DNM3: variants seen among roughly 807,000 people sequenced by gnomAD.
DNM3 encodes dynamin-3.
In DNM3, 47 loss-of-function variants were observed where a neutral mutation model predicts 101.6. The observed-to-expected ratio is 0.46, with a 90% CI of 0.37 to 0.59. The LOEUF is 0.59. Ranked by LOEUF, DNM3 falls within the 20% of genes least tolerant of loss-of-function variation. The pLI is 0.00. For synonymous variants in DNM3, 385 were observed against 387.9 expected, an observed-to-expected ratio of 0.99 and a Z score of 0.09; for missense variants, 849 against 1,085.7, an observed-to-expected ratio of 0.78 and a Z score of 3.06.
At chr1:172,228,406 T>C (rs1244481191) in intron 14 of DNM3, among the ~76,000 whole-genome samples, 1 of 152,062 alleles carries the variant, frequency 6.6e-6, no homozygotes, top group African/African-American at 2.4e-5. Context: ...TCACTCTTTC[T>C]TCGCTCTCTT....
intron 16 of DNM3, chr1:172,310,166 C>T (rs1455227167): frequency 3.9e-5 from 6 of 152,230 alleles, no homozygotes; most frequent in African/African-American, 7.2e-5. Flanking sequence ...AGTCATTAAA[C>T]ATCAGAGTAC....
At chr1:171,855,270 A>G (rs139191265) in intron 1 of DNM3, among the ~76,000 whole-genome samples, 14 of 152,186 alleles carry the variant, frequency 9.2e-5, no homozygotes, top group African/African-American at 2.4e-4. Flanking sequence ...TCTTTATCCA[A>G]TCTGTCACTG....
chr1:172,177,257 TAGAG>T (rs142889640), intron 14 of DNM3, among the ~76,000 whole-genome samples: 207 of 149,472 alleles, frequency 1.4e-3, no homozygotes, highest in African/African-American at 4.8e-3. Context: ...TGTACAAGAA[TAGAG>T]AGAGAGAGAG....
intron 1 of DNM3, among the ~76,000 whole-genome samples, chr1:171,846,736 T>A (rs1296383422): frequency 6.6e-6 from 1 of 152,246 alleles, no homozygotes; most frequent in Non-Finnish European, 1.5e-5. Flanking sequence ...TTTTGCAATT[T>A]ATCCTAGTCC....
At chr1:172,235,405 T>G (rs1362127940) in intron 14 of DNM3, among the ~76,000 whole-genome samples, 2 of 152,184 alleles carry the variant, frequency 1.3e-5, no homozygotes, top group East Asian at 3.9e-4. Context: ...GGTGGGACTG[T>G]ACACTAGTTC....
rs114736002 is a variant in DNM3 at position 172,339,122 on chromosome 1, G to T, written c.1893+15782G>T. The T allele has an allele frequency of 7.6e-4, 344 of 455,392 alleles. 2 individuals carry two copies. The highest frequency in any genetic ancestry group is 6.4e-3 in the African/African-American group (318 of 49,324). The allele number at this position is 455,392 out of a possible 1,614,324, so 28.2% of individuals were successfully genotyped here. On this transcript the variant is annotated intron_variant, in intron 17 of 20. Transcript: ENST00000627582. Reference sequence around the variant, plus strand: ...ACTGTGAAATATTTGGTCGTATTTTGATATGTTAAGTTGTTGCTTTTCAAT... The same window carrying T: ...ACTGTGAAATATTTGGTCGTATTTTTATATGTTAAGTTGTTGCTTTTCAAT...
rs1230851137 is a variant in DNM3, at chr1:172,411,725, A to C, written c.*3884A>C. On this transcript the variant is annotated 3_prime_UTR_variant, in exon 21 of 21. Transcript: ENST00000627582. ...GACAGGAATCTCCTCAGAATGAAGA[A>C]TAAAGCCTACTAGGTCTCTAACTGT... 21 of 985,220 alleles carry C rather than the reference A, an allele frequency of 2.1e-5. No individual in the cohort carries two copies. Among genetic ancestry groups the C allele is most frequent in the Admixed American group, 1.2e-4 (2 of 16,262 alleles). The allele number at this position is 985,220 out of a possible 1,614,324, so 61.0% of individuals were successfully genotyped here. A position where few individuals can be genotyped will look rare whatever the true frequency, so the allele number is the denominator to read the frequency against.
chr1:172,275,519 C>T (rs12062308), intron 15 of DNM3, among the ~76,000 whole-genome samples: 3,871 of 151,978 alleles, frequency 0.025, 170 homozygotes, highest in African/African-American at 0.088. Context: ...GTTGACATTT[C>T]AACCTTCTTG....
At chr1:172,382,145 A>C (rs1054372720) in intron 18 of DNM3, among the ~76,000 whole-genome samples, 1 of 152,188 alleles carries the variant, frequency 6.6e-6, no homozygotes. Context: ...GTCTATTGAA[A>C]TGCAGCAGCT....
At chr1:172,208,148 A>G (rs2060385636) in intron 14 of DNM3, among the ~76,000 whole-genome samples, 1 of 152,098 alleles carries the variant, frequency 6.6e-6, no homozygotes, top group Non-Finnish European at 1.5e-5. Context: ...TCAACTACAA[A>G]TTGCAGTTTT....
intron 14 of DNM3, among the ~76,000 whole-genome samples, chr1:172,156,481 G>A (rs992106808): frequency 1.1e-4 from 17 of 151,966 alleles, no homozygotes; most frequent in African/African-American, 3.9e-4. Context: ...TGTTCCAGAC[G>A]ATTCAGGATG....
intron 14 of DNM3, among the ~76,000 whole-genome samples, chr1:172,178,615 G>A (rs963064651): frequency 5.3e-5 from 8 of 151,784 alleles, no homozygotes; most frequent in Admixed American, 2.0e-4. Flanking sequence ...GAGAGGGAGA[G>A]AGACAGAGAG....
At chr1:171,951,732 C>CA (rs2042539465) in intron 2 of DNM3, among the ~76,000 whole-genome samples, 1 of 152,000 alleles carries the variant, frequency 6.6e-6, no homozygotes, top group African/African-American at 2.4e-5. Context: ...GAGGTGTTGA[C>CA]AAAAAACTAA....
intron 14 of DNM3, among the ~76,000 whole-genome samples, chr1:172,189,631 A>G (rs1454201063): frequency 6.6e-6 from 1 of 152,024 alleles, no homozygotes; most frequent in Non-Finnish European, 1.5e-5. Flanking sequence ...GTAGATGACT[A>G]TATTAGCCCA....
chr1:172,080,216 C>T (rs2053027118), intron 11 of DNM3, among the ~76,000 whole-genome samples: 1 of 152,176 alleles, frequency 6.6e-6, no homozygotes, highest in African/African-American at 2.4e-5. Context: ...GCTGAAGTTG[C>T]ACCCACAGCT....
Position 172,044,396 on chromosome 1 carries a change from TG to T in DNM3, c.1141del (p.Glu381ArgfsTer8). On this transcript the variant is annotated frameshift_variant, in exon 9 of 21. Coordinates refer to ENST00000627582, the MANE Select transcript of DNM3 (RefSeq NM_015569.5). LOFTEE classifies it high-confidence loss of function. Reference sequence around the variant, plus strand: ...TTTTGCATCTGCAGATGGAGTTCAATGAGAAAGAATTGCGAAGAGAAATAAG... The same window carrying T: ...TTTTGCATCTGCAGATGGAGTTCAATAGAAAGAATTGCGAAGAGAAATAAG... ...PFEIVKMEFNEKELRREISYA... is the reference protein window; with the variant it reads ...PFEIVKMEFNXKELRREISYA... 6.2e-7 allele frequency: 1 copy of T among 1,607,820 alleles called. No homozygotes were observed. Among genetic ancestry groups the T allele is most frequent in the Non-Finnish European group, 8.5e-7 (1 of 1,177,070 alleles).
chr1:172,144,580 C>G (rs754471293), intron 14 of DNM3: 1 of 532,422 alleles, frequency 1.9e-6, no homozygotes. Flanking sequence ...TACTGTACAA[C>G]GGCATTGTCC....
intron 16 of DNM3, among the ~76,000 whole-genome samples, chr1:172,317,760 C>A (rs2065463177): frequency 1.3e-5 from 2 of 152,206 alleles, no homozygotes; most frequent in South Asian, 2.1e-4. Context: ...GCTTACCAAC[C>A]AAAAAGAGTC....
At chr1:172,030,772 A>G (rs936112365) in intron 4 of DNM3, among the ~76,000 whole-genome samples, 8 of 152,264 alleles carry the variant, frequency 5.3e-5, no homozygotes, top group African/African-American at 1.9e-4. Context: ...GAATGAAGAC[A>G]TTTATGTAGC....
Sources: gnomAD v4.1 joint callset for allele counts (sites outside exome capture counted in the v4.1 genomes callset) on GRCh38, gnomAD v4.1.1 for gene constraint, MANE v1.5 for transcripts, NCBI Gene and HGNC (gene_info 2026-07-23, HGNC 2026-07-21) for gene names.